TMC1: variants seen among roughly 807,000 people sequenced by gnomAD.
TMC1 encodes the protein transmembrane channel-like protein 1.
TMC1 carries 84 observed loss-of-function variants against 105.8 expected under a neutral mutation model. The ratio of observed to expected loss-of-function variants is 0.79; its 90% CI spans 0.67 to 0.95. The LOEUF (loss-of-function observed/expected upper bound fraction) is 0.95, where lower values mean the gene tolerates loss of function less well. TMC1 is among the 40% of genes least tolerant of loss of function. The probability of loss-of-function intolerance (pLI) is 0.00; values close to 1 mark genes in which losing one functional copy is unlikely to be tolerated. For synonymous variants in TMC1, 315 were observed against 311.5 expected (o/e 1.01, Z -0.12); for missense variants, 817 against 914.1 (o/e 0.89, Z 1.37).
rs1249483599 is a variant in TMC1 at position 72,836,940 on chromosome 9, AC to A, written c.*968del. ...TTTATTAAAAAGTTTTACAGCAGGA[AC>A]AAAAGGAAATAAAATATACTTGGAA... On this transcript the variant is annotated 3_prime_UTR_variant, in exon 24 of 24. Coordinates refer to ENST00000297784, the MANE Select transcript of TMC1 (RefSeq NM_138691.3). The A allele has an allele frequency of 2.0e-5, 3 of 152,176 alleles. No individual in the cohort carries two copies. The highest frequency in any genetic ancestry group is 7.2e-5 in the African/African-American group (3 of 41,432). 9.4% of individuals were successfully genotyped at this position (152,176 alleles called of 1,614,324 possible). A position where few individuals can be genotyped will look rare whatever the true frequency, so the allele number is the denominator to read the frequency against.
intron 5 of TMC1, among the ~76,000 whole-genome samples, chr9:72,663,273 G>T (rs769529591): frequency 1.3e-5 from 2 of 152,124 alleles, no homozygotes; most frequent in Non-Finnish European, 2.9e-5. Context: ...CCACAGGACT[G>T]GTTGGTGGGT....
At chr9:72,828,026 A>AT (rs1410630004) in intron 21 of TMC1, among the ~76,000 whole-genome samples, 7 of 152,144 alleles carry the variant, frequency 4.6e-5, no homozygotes, top group African/African-American at 1.7e-4. Context: ...AAAGAAAGTG[A>AT]TTTTCCCTAG....
intron 1 of TMC1, among the ~76,000 whole-genome samples, chr9:72,536,543 A>G (rs1823589064): frequency 6.6e-6 from 1 of 152,176 alleles, no homozygotes; most frequent in African/African-American, 2.4e-5. Flanking sequence ...TGTGTTAGCC[A>G]GGATGGTCTT....
At chr9:72,650,309 C>T (rs1220040047) in intron 5 of TMC1, among the ~76,000 whole-genome samples, 5 of 152,102 alleles carry the variant, frequency 3.3e-5, no homozygotes, top group Non-Finnish European at 7.4e-5. Context: ...AAATGATAGA[C>T]TTGCCTGGTG....
intron 1 of TMC1, among the ~76,000 whole-genome samples, chr9:72,561,603 C>G (rs1311157885): frequency 6.6e-6 from 1 of 152,188 alleles, no homozygotes; most frequent in Non-Finnish European, 1.5e-5. Flanking sequence ...GCACTGTTTT[C>G]AGCTTAAGTC....
chr9:72,533,341 C>A (rs1275134804), intron 1 of TMC1, among the ~76,000 whole-genome samples: 1 of 152,218 alleles, frequency 6.6e-6, no homozygotes, highest in African/African-American at 2.4e-5. Flanking sequence ...TTACTTTTCT[C>A]TGCTCCAAAG....
At chr9:72,649,837 G>A (rs1825771684) in intron 5 of TMC1, among the ~76,000 whole-genome samples, 1 of 152,120 alleles carries the variant, frequency 6.6e-6, no homozygotes, top group African/African-American at 2.4e-5. Flanking sequence ...AGGCTATTTA[G>A]GTAGTTATAG....
intron 1 of TMC1, among the ~76,000 whole-genome samples, chr9:72,543,954 T>TTCTTTCTTTC (rs71357580): frequency 0.23 from 27,315 of 116,250 alleles, 3,066 homozygotes; most frequent in African/African-American, 0.33. Flanking sequence ...CTTTCTTTCT[T>TTCTTTCTTTC]TTTTTTTTTT....
At chr9:72,555,505 T>C (rs1364559587) in intron 1 of TMC1, among the ~76,000 whole-genome samples, 4 of 151,630 alleles carry the variant, frequency 2.6e-5, no homozygotes, top group Non-Finnish European at 5.9e-5. Context: ...CAGATTTCTT[T>C]GTGATATTAT....
intron 19 of TMC1, among the ~76,000 whole-genome samples, chr9:72,817,840 G>C (rs1029755122): frequency 6.6e-6 from 1 of 152,064 alleles, no homozygotes; most frequent in Non-Finnish European, 1.5e-5. Flanking sequence ...TCTCTGCACT[G>C]TCTTTTTCTG....
At chr9:72,695,219 C>T (rs1159088692) in intron 7 of TMC1, among the ~76,000 whole-genome samples, 1 of 151,994 alleles carries the variant, frequency 6.6e-6, no homozygotes, top group Non-Finnish European at 1.5e-5. Context: ...ACTATTTGGC[C>T]CTTTATAGAA....
chr9:72,543,697 T>C (rs1234507259), intron 1 of TMC1, among the ~76,000 whole-genome samples: 1 of 152,182 alleles, frequency 6.6e-6, no homozygotes, highest in African/African-American at 2.4e-5. Context: ...GCAGAACTGC[T>C]TGAACCTGGG....
intron 8 of TMC1, among the ~76,000 whole-genome samples, chr9:72,735,274 G>T (rs1291777479): frequency 6.6e-6 from 1 of 152,110 alleles, no homozygotes; most frequent in South Asian, 2.1e-4. Flanking sequence ...GTACACATTT[G>T]TTTCAGTCAG....
intron 13 of TMC1, among the ~76,000 whole-genome samples, chr9:72,780,473 A>G (rs1381568848): frequency 6.6e-6 from 1 of 152,184 alleles, no homozygotes; most frequent in Non-Finnish European, 1.5e-5. Flanking sequence ...GGCAAGTTGG[A>G]TCAAGAAGCA....
chr9:72,774,487 T>C (rs1278893286), intron 13 of TMC1, among the ~76,000 whole-genome samples: 1 of 152,214 alleles, frequency 6.6e-6, no homozygotes, highest in Non-Finnish European at 1.5e-5. Context: ...TAGCCAGATG[T>C]TGCTGGTGGA....
chr9:72,684,320 GATC>G (rs1826340216), intron 5 of TMC1, among the ~76,000 whole-genome samples: 1 of 152,116 alleles, frequency 6.6e-6, no homozygotes, highest in Non-Finnish European at 1.5e-5. Context: ...TGCCTGCCAA[GATC>G]ATCAATATCT....
intron 3 of TMC1, among the ~76,000 whole-genome samples, chr9:72,625,086 C>T (rs539444736): frequency 1.3e-5 from 2 of 152,254 alleles, no homozygotes; most frequent in East Asian, 3.9e-4. Context: ...GTCTTTGTCT[C>T]CTCCCCTTGA....
chr9:72,561,341 G>A lies in TMC1; in HGVS notation c.-427-16561G>A, dbSNP rs77535160. Among the ~76,000 whole-genome samples, 259 of 95,252 alleles carry A rather than the reference G, an allele frequency of 2.7e-3. 3 individuals are homozygous for A. Among genetic ancestry groups the A allele is most frequent in the African/African-American group, 0.013 (247 of 19,216 alleles). The allele number at this position is 95,252 out of a possible 152,430, so 62.5% of individuals were successfully genotyped here. A position where few individuals can be genotyped will look rare whatever the true frequency, so the allele number is the denominator to read the frequency against. On this transcript the variant is annotated intron_variant, in intron 1 of 23. Transcript: ENST00000297784. ...TCAAAAAAAAAAAAAAAAAAAAAAA[G>A]AGAGAGAGAAAATAACTCAGCTTCA...
chr9:72,761,081 T>C (rs1827748918), intron 12 of TMC1, among the ~76,000 whole-genome samples: 1 of 152,206 alleles, frequency 6.6e-6, no homozygotes, highest in Non-Finnish European at 1.5e-5. Flanking sequence ...TACATCTTAC[T>C]GATGGTGCTG....
Sources: allele counts gnomAD v4.1 joint callset (sites outside exome capture counted in the v4.1 genomes callset), GRCh38; gene constraint gnomAD v4.1.1; transcripts MANE v1.5; gene names NCBI Gene and HGNC (gene_info 2026-07-23, HGNC 2026-07-21).